The following RPA3 variants were observed in gnomAD, a reference collection of about 807,000 sequenced individuals.
The protein encoded by RPA3 is replication protein A 14 kDa subunit.
In RPA3, 24 loss-of-function variants were observed where a neutral mutation model predicts 13.7. The observed-to-expected ratio is 1.75, with a 90% CI of 1.27 to 2.46. The LOEUF is 2.46. Among genes scored for constraint, RPA3 ranks in the 30% most tolerant of loss-of-function variants. RPA3 has a pLI of 0.00. For missense variants in RPA3, 183 were observed against 151.0 expected, an observed-to-expected ratio of 1.21 and a Z score of -1.11; for synonymous variants, 59 against 51.2, an observed-to-expected ratio of 1.15 and a Z score of -0.65.
chr7:7,699,244 T>A (rs1283299991), intron 2 of RPA3, among the ~76,000 whole-genome samples: 1 of 152,156 alleles, frequency 6.6e-6, no homozygotes, highest in African/African-American at 2.4e-5. Flanking sequence ...TTTTCCTTCT[T>A]ATCAGACTCA....
At chr7:7,703,197 A>C (rs1780511761) in intron 2 of RPA3, among the ~76,000 whole-genome samples, 1 of 152,154 alleles carries the variant, frequency 6.6e-6, no homozygotes, top group South Asian at 2.1e-4. Flanking sequence ...ATTAAAATCC[A>C]CTTGATGTTT....
At chr7:7,682,457 G>A (rs1253518736) in intron 4 of RPA3, among the ~76,000 whole-genome samples, 3 of 152,036 alleles carry the variant, frequency 2.0e-5, no homozygotes, top group Non-Finnish European at 4.4e-5. Flanking sequence ...AACTTTTAAA[G>A]GTAGTCTCTT....
At chr7:7,701,394 A>G (rs1047833993) in intron 2 of RPA3, among the ~76,000 whole-genome samples, 5 of 141,386 alleles carry the variant, frequency 3.5e-5, no homozygotes, top group Middle Eastern at 3.4e-3. Flanking sequence ...CAGACAATCT[A>G]TGTGACATTT....
chr7:7,660,823 A>G (rs140152438), intron 4 of RPA3, among the ~76,000 whole-genome samples: 240 of 152,200 alleles, frequency 1.6e-3, no homozygotes, highest in African/African-American at 5.6e-3. Context: ...TGTTCTCTGT[A>G]TTTCCTGAAT....
intron 4 of RPA3, among the ~76,000 whole-genome samples, chr7:7,657,103 A>G (rs1015677963): frequency 2.0e-5 from 3 of 152,166 alleles, no homozygotes; most frequent in African/African-American, 4.8e-5. Flanking sequence ...TGTTGTCTGC[A>G]TAAATGTCTT....
intron 4 of RPA3, among the ~76,000 whole-genome samples, chr7:7,663,685 C>A (rs1785533065): frequency 6.6e-6 from 1 of 152,134 alleles, no homozygotes. Flanking sequence ...CAAAAGAGAA[C>A]TCAAAGCCTC....
chr7:7,661,074 C>T (rs1418456677), intron 4 of RPA3, among the ~76,000 whole-genome samples: 2 of 151,748 alleles, frequency 1.3e-5, no homozygotes, highest in African/African-American at 4.8e-5. Flanking sequence ...GATCTTTAAT[C>T]TCTGATATCC....
chr7:7,640,249 C>T (rs1044304166), intron 5 of RPA3, 71 bp downstream of exon 5: 14 of 1,481,850 alleles, frequency 9.4e-6, no homozygotes, highest in Non-Finnish European at 1.3e-5. Context: ...CCTTTTTCAT[C>T]CCCCGTTATC....
At chr7:7,641,654 G>A (rs1784977067) in intron 4 of RPA3, 1 of 152,146 alleles carries the variant, frequency 6.6e-6, no homozygotes, top group African/African-American at 2.4e-5. Flanking sequence ...CGAAGCCGGC[G>A]GCCTTGCCAG....
intron 2 of RPA3, among the ~76,000 whole-genome samples, chr7:7,714,022 C>T (rs569595865): frequency 6.6e-6 from 1 of 152,240 alleles, no homozygotes; most frequent in East Asian, 1.9e-4. Context: ...ATCGTCAATA[C>T]TTCTTTGTTG....
intron 2 of RPA3, among the ~76,000 whole-genome samples, chr7:7,700,232 T>C (rs1454959512): frequency 6.6e-6 from 1 of 152,142 alleles, no homozygotes; most frequent in African/African-American, 2.4e-5. Context: ...TTCTCCCTGC[T>C]CCCCACATGT....
chr7:7,662,498 C>T (rs563802494), intron 4 of RPA3, among the ~76,000 whole-genome samples: 3 of 152,276 alleles, frequency 2.0e-5, no homozygotes, highest in South Asian at 2.1e-4. Context: ...GTGGGAAAAG[C>T]GTAGTATCCG....
chr7:7,702,738 G>A (rs981578080), intron 2 of RPA3, among the ~76,000 whole-genome samples: 1 of 152,192 alleles, frequency 6.6e-6, no homozygotes, highest in South Asian at 2.1e-4. Context: ...AATGTGCTCC[G>A]GTGAGTAAAA....
Position 7,700,217 on chromosome 7 carries a change from G to A in RPA3, c.-1027-12889C>T, listed in dbSNP as rs137914574. Among the ~76,000 whole-genome samples the A allele has an allele frequency of 6.5e-4, 99 of 152,250 alleles. 1 individual carries two copies. In the East Asian group the frequency reaches 0.017, roughly 27 times the overall value. On this transcript the variant is annotated intron_variant, in intron 2 of 7. Transcript: ENST00000223129. ...AGGGCCTTCTTTCTGTTCATAGATG[G>A]CACTTTCTCCCTGCTCCCCACATGT... is the stretch of plus-strand genomic sequence containing the variant.
At chr7:7,688,145 G>T (rs529674318) in intron 2 of RPA3, among the ~76,000 whole-genome samples, 2 of 152,268 alleles carry the variant, frequency 1.3e-5, no homozygotes, top group African/African-American at 4.8e-5. Flanking sequence ...TATTTTTGGG[G>T]GGAGAACATT....
At chr7:7,667,649 A>C (rs1256162210) in intron 4 of RPA3, among the ~76,000 whole-genome samples, 17 of 152,240 alleles carry the variant, frequency 1.1e-4, no homozygotes. Flanking sequence ...TTGTGCAGGT[A>C]GTAAATGTCT....
chr7:7,658,322 C>G (rs1439199788), intron 4 of RPA3, among the ~76,000 whole-genome samples: 2 of 152,208 alleles, frequency 1.3e-5, no homozygotes, highest in African/African-American at 4.8e-5. Flanking sequence ...TGCCTGATGG[C>G]CCTGGCCAGA....
At chr7:7,671,843 C>A (rs1167719372) in intron 4 of RPA3, among the ~76,000 whole-genome samples, 1 of 152,166 alleles carries the variant, frequency 6.6e-6, no homozygotes, top group African/African-American at 2.4e-5. Flanking sequence ...CCAGTAAGCA[C>A]TTTCTTTAAG....
intron 2 of RPA3, among the ~76,000 whole-genome samples, chr7:7,701,223 C>G (rs1201038744): frequency 6.6e-6 from 1 of 151,232 alleles, no homozygotes; most frequent in South Asian, 2.1e-4. Flanking sequence ...TGAACTGTAT[C>G]ATTTCCTCTC....
Sources: allele counts gnomAD v4.1 joint callset (sites outside exome capture counted in the v4.1 genomes callset), GRCh38; gene constraint gnomAD v4.1.1; transcripts MANE v1.5; gene names NCBI Gene and HGNC (gene_info 2026-07-23, HGNC 2026-07-21).